ZNF623: variants seen among roughly 807,000 people sequenced by gnomAD.
ZNF623 encodes the protein zinc finger protein 623.
A neutral mutation model predicts 24.0 loss-of-function variants in ZNF623; 16 were observed. The ratio of observed to expected loss-of-function variants is 0.67; its 90% CI spans 0.45 to 1.01. The LOEUF (loss-of-function observed/expected upper bound fraction) is 1.01. Ranked by LOEUF, ZNF623 falls within the 50% of genes least tolerant of loss-of-function variation. The pLI is 0.00. For synonymous variants in ZNF623, 224 were observed against 219.8 expected (o/e 1.02, Z -0.17); for missense variants, 566 against 606.5 (o/e 0.93, Z 0.70).
chr8:143,636,693 A>G (rs1814933445), intron 1 of ZNF623, among the ~76,000 whole-genome samples: 1 of 152,200 alleles, frequency 6.6e-6, no homozygotes, highest in Non-Finnish European at 1.5e-5. Flanking sequence ...GGAGGGAAAC[A>G]TGATGAGCAG....
chr8:143,649,379 A>G (rs1563701238), intron 1 of ZNF623, among the ~76,000 whole-genome samples: 1 of 152,072 alleles, frequency 6.6e-6, no homozygotes, highest in African/African-American at 2.4e-5. Context: ...CCATCCAAGT[A>G]TCATGGAGGG....
chr8:143,645,517 G>A (rs960485062), intron 1 of ZNF623, among the ~76,000 whole-genome samples: 1 of 152,096 alleles, frequency 6.6e-6, no homozygotes, highest in East Asian at 1.9e-4. Flanking sequence ...AGCAGTCACT[G>A]TTCCTTTGGT....
chr8:143,650,421 G>T lies in ZNF623; in HGVS notation c.429G>T (p.Val143=). 2 of 1,614,098 alleles carry T rather than the reference G, an allele frequency of 1.2e-6. No homozygotes were observed. Among genetic ancestry groups the T allele is most frequent in the Non-Finnish European group, 1.7e-6 (2 of 1,180,026 alleles). Residue 143 remains valine (V), a synonymous_variant, in exon 2 of 2, where the codon GTG becomes GTT. Coordinates refer to ENST00000526926, the MANE Select transcript of ZNF623 (RefSeq NM_001261843.2). This position sits in a 1 kb window ranked among gnomAD's most constrained non-coding sequence, Gnocchi z 5.2. ...HTGERLYVCN[V]CGKDFIHYSG... The stretch of plus-strand genomic sequence containing the variant: ...GAGAGAGACTCTACGTCTGTAATGT[G>T]TGTGGGAAAGACTTCATTCACTATT...
chr8:143,650,758 T>A lies in ZNF623; in HGVS notation c.766T>A (p.Cys256Ser). Residue 256 changes from cysteine (C) to serine (S), a missense_variant, in exon 2 of 2, where the codon TGT becomes AGT. By Grantham distance (112) the Cys-to-Ser change is moderately radical. This residue lies in a region of ZNF623 where 117 missense variants were observed against 174.2 expected (regional missense o/e 0.67). Coordinates refer to ENST00000526926, the MANE Select transcript of ZNF623 (RefSeq NM_001261843.2). This position sits in a 1 kb window ranked among gnomAD's most constrained non-coding sequence, Gnocchi z 5.2. ...TEVKQYECKECGKAFRHRSDL... is the reference protein window; with the variant it reads ...TEVKQYECKESGKAFRHRSDL... ...AGTGAAACAGTATGAATGCAAAGAA[T>A]GTGGGAAGGCATTCCGTCATCGCTC... 1 of 1,614,152 alleles carries A rather than the reference T, an allele frequency of 6.2e-7. No individual in the cohort carries two copies. Among genetic ancestry groups the A allele is most frequent in the Non-Finnish European group, 8.5e-7 (1 of 1,180,024 alleles).
At position 143,651,006 on chromosome 8, in the gene ZNF623, C is replaced by T. The variant is rs141224385; in HGVS notation, c.1014C>T (p.Asn338=). 2,294 of 1,613,278 alleles carry T rather than the reference C, an allele frequency of 1.4e-3. 3 individuals are homozygous for T. The highest frequency in any genetic ancestry group is 2.1e-3 in the South Asian group (192 of 91,030). ...CTGGAGAGAAACTCTATGAATGTAA[C>T]GAGTGTGGGAAAGCTTTCTTTCTGA... is the stretch of plus-strand genomic sequence containing the variant. ...IHTGEKLYEC[N]ECGKAFFLSS... Residue 338 remains asparagine (N), a synonymous_variant, in exon 2 of 2, where the codon AAC becomes AAT. Transcript: ENST00000526926.
intron 1 of ZNF623, among the ~76,000 whole-genome samples, chr8:143,643,206 A>G (rs1406322602): frequency 6.6e-6 from 1 of 152,158 alleles, no homozygotes; most frequent in Non-Finnish European, 1.5e-5. Flanking sequence ...AGTTGCAGGG[A>G]ACTGGATTCT....
intron 1 of ZNF623, among the ~76,000 whole-genome samples, chr8:143,642,924 T>C (rs1158304955): frequency 6.6e-6 from 1 of 152,160 alleles, no homozygotes; most frequent in African/African-American, 2.4e-5. Flanking sequence ...TTCCAGTTAC[T>C]CATTCAGACA....
Position 143,646,320 on chromosome 8 carries a change from GGCATGA to G in ZNF623, c.-95-3575_-95-3570del, listed in dbSNP as rs536979435. Among the ~76,000 whole-genome samples the G allele has an allele frequency of 3.4e-4, 52 of 152,318 alleles. No homozygotes were observed. The East Asian group carries it at 9.4e-3, about 28-fold the overall frequency. The stretch of plus-strand genomic sequence containing the variant: ...GGCCACTGGAAATGCTGGGATTATA[GGCATGA>G]GCCACTGTACCTGGCTTATTACCTT... On this transcript the variant is annotated intron_variant, in intron 1 of 1. Coordinates refer to ENST00000526926, the MANE Select transcript of ZNF623 (RefSeq NM_001261843.2).
intron 1 of ZNF623, among the ~76,000 whole-genome samples, chr8:143,640,674 C>T (rs2131441082): frequency 6.6e-6 from 1 of 152,292 alleles, no homozygotes; most frequent in Non-Finnish European, 1.5e-5. Flanking sequence ...GGCATGGTGG[C>T]TCGTGCCTGT....
At chr8:143,636,900 CAG>C (rs1331251002) in intron 1 of ZNF623, among the ~76,000 whole-genome samples, 3 of 152,232 alleles carry the variant, frequency 2.0e-5, no homozygotes, top group Non-Finnish European at 2.9e-5. Flanking sequence ...CAGGGACTCT[CAG>C]GGTCTGGGCA....
chr8:143,645,895 ATT>A (rs10708286), intron 1 of ZNF623, among the ~76,000 whole-genome samples: 14 of 150,274 alleles, frequency 9.3e-5, no homozygotes, highest in East Asian at 3.9e-4. Flanking sequence ...GTTTTTCTTA[ATT>A]TTTTTTTTTA....
intron 1 of ZNF623, among the ~76,000 whole-genome samples, chr8:143,647,157 T>TTG (rs1554605151): frequency 3.4e-4 from 51 of 151,480 alleles, no homozygotes; most frequent in Middle Eastern, 3.4e-3. Flanking sequence ...GTTTTTTTTT[T>TTG]TTTTGTTTTG....
intron 1 of ZNF623, among the ~76,000 whole-genome samples, chr8:143,637,674 T>G (rs1222250179): frequency 6.6e-6 from 1 of 152,166 alleles, no homozygotes; most frequent in Non-Finnish European, 1.5e-5. Flanking sequence ...CTTAGCCTCC[T>G]GAGTTGCTGG....
intron 1 of ZNF623, among the ~76,000 whole-genome samples, chr8:143,642,250 C>T (rs1815071498): frequency 1.3e-5 from 2 of 152,214 alleles, no homozygotes; most frequent in Admixed American, 1.3e-4. Flanking sequence ...CCAACCTCTG[C>T]TGGTTTTCTG....
intron 1 of ZNF623, among the ~76,000 whole-genome samples, chr8:143,643,696 T>C (rs1238533238): frequency 6.6e-6 from 1 of 152,248 alleles, no homozygotes; most frequent in Non-Finnish European, 1.5e-5. Context: ...CCACCAGGGA[T>C]TGGCTCTCTG....
chr8:143,651,528 G>C lies in ZNF623; in HGVS notation c.*45G>C. 1.3e-6 allele frequency: 2 copies of C among 1,522,112 alleles called. No homozygotes were observed. Among genetic ancestry groups the C allele is most frequent in the Non-Finnish European group, 1.8e-6 (2 of 1,136,786 alleles). 94.3% of individuals were successfully genotyped at this position (1,522,112 alleles called of 1,614,324 possible). On this transcript the variant is annotated 3_prime_UTR_variant, in exon 2 of 2. Coordinates refer to ENST00000526926, the MANE Select transcript of ZNF623 (RefSeq NM_001261843.2). ...AGTGAGTGATGTTTGGAAATGCGTG[G>C]AATTAGGATTCATGTGGTTTCTAAG...
At position 143,652,700 on chromosome 8, in the gene ZNF623, T is replaced by G. The variant is rs1162224262; in HGVS notation, c.*1217T>G. The stretch of plus-strand genomic sequence containing the variant: ...GCAGGTCTCAAGAGAAGGTCTTTAC[T>G]TACTTGTCTGTATCTTTCTGTCTCA... On this transcript the variant is annotated 3_prime_UTR_variant, in exon 2 of 2. Transcript: ENST00000526926. 1 of 167,138 alleles carries G rather than the reference T, an allele frequency of 6.0e-6. No individual in the cohort carries two copies. The highest frequency in any genetic ancestry group is 1.9e-4 in the East Asian group (1 of 5,206). 10.4% of individuals were successfully genotyped at this position (167,138 alleles called of 1,614,324 possible).
chr8:143,649,778 A>G, intron 1 of ZNF623, 120 bp from the exon 2 acceptor site: 2 of 1,292,818 alleles, frequency 1.5e-6, no homozygotes, highest in Non-Finnish European at 2.1e-6. Context: ...ATGTTGGGTC[A>G]GGATGAGGGG....
Position 143,651,476 on chromosome 8 carries a change from A to C in ZNF623, c.1484A>C (p.Asn495Thr). 6.4e-7 allele frequency: 1 copy of C among 1,561,182 alleles called. No homozygotes were observed. Among genetic ancestry groups the C allele is most frequent in the East Asian group, 2.2e-5 (1 of 44,466 alleles). Residue 495 changes from asparagine to threonine, a missense_variant, in exon 2 of 2, where the codon AAC becomes ACC. Transcript: ENST00000526926. ...RSVDKGEHTG[N>T]L is the part of the protein sequence containing the mutation. ...GTAGATAAGGGGGAACACACAGGTA[A>C]CTTATAAAATAATTACTTTCCCGCC...
Sources: gnomAD v4.1 joint callset for allele counts (sites outside exome capture counted in the v4.1 genomes callset) on GRCh38, gnomAD v4.1.1 for gene constraint, gnomAD v4.1.1 regional missense constraint, Gnocchi (gnomAD v3.1) non-coding constraint, MANE v1.5 for transcripts, NCBI Gene and HGNC (gene_info 2026-07-23, HGNC 2026-07-21) for gene names.